Variants in AHCYL2 observed in about 807,000 individuals in gnomAD.
AHCYL2 encodes S-adenosylhomocysteine hydrolase-like protein 2.
AHCYL2 carries 28 observed loss-of-function variants against 81.4 expected under a neutral mutation model. That is an observed-to-expected ratio of 0.34 (90% CI 0.25 to 0.47). The LOEUF (loss-of-function observed/expected upper bound fraction) is 0.47, where lower values mean the gene tolerates loss of function less well. Among genes scored for constraint, AHCYL2 ranks in the 20% least tolerant of loss-of-function variants. The pLI, the probability that AHCYL2 is intolerant of heterozygous loss-of-function variation, is 1.00. For synonymous variants in AHCYL2, 272 were observed against 290.2 expected (o/e 0.94, Z 0.64); for missense variants, 551 against 785.1 (o/e 0.70, Z 3.56).
chr7:129,422,643 G>T (rs1019264782), intron 12 of AHCYL2, among the ~76,000 whole-genome samples, 197 bp from the exon 13 acceptor site: 2 of 152,160 alleles, frequency 1.3e-5, no homozygotes, highest in Non-Finnish European at 2.9e-5. Context: ...GACATCCTGA[G>T]TGATCCCTCC....
At chr7:129,363,785 G>A (rs1016471094) in intron 1 of AHCYL2, among the ~76,000 whole-genome samples, 1 of 152,182 alleles carries the variant, frequency 6.6e-6, no homozygotes, top group South Asian at 2.1e-4. Flanking sequence ...TGATCCACCC[G>A]CCTCGGCCTC....
At chr7:129,312,979 C>G (rs1175950248) in intron 1 of AHCYL2, among the ~76,000 whole-genome samples, 1 of 152,174 alleles carries the variant, frequency 6.6e-6, no homozygotes. Context: ...CTACTTTTTA[C>G]CCTGCAGTAC....
intron 1 of AHCYL2, among the ~76,000 whole-genome samples, chr7:129,256,370 T>G (rs1795419939): frequency 3.3e-5 from 5 of 152,194 alleles, no homozygotes. Flanking sequence ...GAATAGTTTC[T>G]TATGTCTTAT....
chr7:129,349,344 T>TA, intron 1 of AHCYL2, among the ~76,000 whole-genome samples: 1 of 151,836 alleles, frequency 6.6e-6, no homozygotes, highest in African/African-American at 2.4e-5. Context: ...ATATAAGAAC[T>TA]TATGTCAGGC....
chr7:129,361,454 C>T (rs543536460), intron 1 of AHCYL2, among the ~76,000 whole-genome samples: 6 of 152,142 alleles, frequency 3.9e-5, no homozygotes, highest in South Asian at 4.2e-4. Context: ...GTAAGCACCA[C>T]GAAGATAAAG....
intron 7 of AHCYL2, among the ~76,000 whole-genome samples, chr7:129,403,860 CAAAAAAA>C (rs34806455): frequency 0.012 from 976 of 80,022 alleles, 10 homozygotes; most frequent in African/African-American, 0.036. Context: ...GACTCCATCT[CAAAAAAA>C]AAAAAAAAAA....
chr7:129,297,164 G>C (rs1043543192), intron 1 of AHCYL2, among the ~76,000 whole-genome samples: 1 of 152,164 alleles, frequency 6.6e-6, no homozygotes, highest in Non-Finnish European at 1.5e-5. Context: ...ATTGTAGAGA[G>C]GTGGCTGCTC....
intron 12 of AHCYL2, among the ~76,000 whole-genome samples, chr7:129,421,617 A>AT (rs1346393882): frequency 6.6e-6 from 1 of 152,246 alleles, no homozygotes; most frequent in Non-Finnish European, 1.5e-5. Flanking sequence ...ATTTCAAGAA[A>AT]TTGTATGTGT....
intron 1 of AHCYL2, among the ~76,000 whole-genome samples, chr7:129,262,381 T>C (rs140521384): frequency 7.2e-5 from 11 of 152,316 alleles, no homozygotes; most frequent in Admixed American, 3.3e-4. Context: ...CTTACCCCTT[T>C]ATGGGTTGCA....
At chr7:129,264,862 A>T (rs1452324113) in intron 1 of AHCYL2, among the ~76,000 whole-genome samples, 1 of 152,252 alleles carries the variant, frequency 6.6e-6, no homozygotes, top group Non-Finnish European at 1.5e-5. Context: ...GCATTGGAAA[A>T]ACTATACATA....
At chr7:129,236,816 C>T (rs1010635936) in intron 1 of AHCYL2, among the ~76,000 whole-genome samples, 1 of 152,198 alleles carries the variant, frequency 6.6e-6, no homozygotes, top group East Asian at 1.9e-4. Flanking sequence ...CAGAATGAGG[C>T]TGAGAGTATT....
intron 1 of AHCYL2, among the ~76,000 whole-genome samples, chr7:129,353,228 G>C (rs1445337075): frequency 6.6e-6 from 1 of 152,152 alleles, no homozygotes; most frequent in African/African-American, 2.4e-5. Context: ...GATTACAGGG[G>C]TGAGCCACCA....
chr7:129,356,877 CTT>C (rs1793751097), intron 1 of AHCYL2, among the ~76,000 whole-genome samples: 1 of 152,146 alleles, frequency 6.6e-6, no homozygotes, highest in Non-Finnish European at 1.5e-5. Flanking sequence ...CTGTAAGACT[CTT>C]GGCAAGGTAT....
intron 1 of AHCYL2, among the ~76,000 whole-genome samples, chr7:129,300,102 A>G (rs1324742134): frequency 1.3e-5 from 2 of 152,326 alleles, no homozygotes; most frequent in East Asian, 3.9e-4. Flanking sequence ...ACATCAAGGT[A>G]AATGAGGGTA....
rs142124627 is a variant in AHCYL2, at chr7:129,382,109, T to C, written c.475+2360T>C. ...CCATGTTTGATTTGTTGTGTGACGC[T>C]GGAAAACTCTTGCACCTGGCATCTT... On this transcript the variant is annotated intron_variant, in intron 2 of 16. Transcript: ENST00000325006. Among the ~76,000 whole-genome samples the C allele has an allele frequency of 8.7e-3, 1,323 of 152,308 alleles. 24 individuals are homozygous for C. Among genetic ancestry groups the C allele is most frequent in the African/African-American group, 0.03 (1,266 of 41,552 alleles).
chr7:129,348,495 G>A (rs893107570), intron 1 of AHCYL2, among the ~76,000 whole-genome samples: 4 of 151,488 alleles, frequency 2.6e-5, no homozygotes, highest in Admixed American at 6.6e-5. Context: ...AGGTGCTGAA[G>A]GAAAAGGGTA....
intron 1 of AHCYL2, among the ~76,000 whole-genome samples, chr7:129,320,506 G>T (rs1335281632): frequency 6.6e-6 from 1 of 152,098 alleles, no homozygotes; most frequent in Non-Finnish European, 1.5e-5. Flanking sequence ...TAGTAGAGAT[G>T]CGGTTTCACC....
rs937210777 is a variant in AHCYL2, at chr7:129,283,241, C to G, written c.363+57802C>G. On this transcript the variant is annotated intron_variant, in intron 1 of 16. Coordinates refer to ENST00000325006, the MANE Select transcript of AHCYL2 (RefSeq NM_015328.4). ...GATAGCCCTGGGCTCTACTTGGGTT[C>G]CTCCTTCATTAAACTGCACCTTGGA... The G allele has an allele frequency of 9.3e-5, 37 of 395,802 alleles. 1 individual carries two copies. In the Admixed American group the frequency reaches 1.1e-3, roughly 12 times the overall value. The allele number at this position is 395,802 out of a possible 1,614,324, so 24.5% of individuals were successfully genotyped here.
At chr7:129,379,789 A>T (rs111904245) in intron 2 of AHCYL2, 40 bp downstream of exon 2, 11 of 1,523,986 alleles carry the variant, frequency 7.2e-6, no homozygotes, top group Middle Eastern at 1.7e-4. Context: ...GTTGAGGCTA[A>T]TAAGTACGAT....
Sources: allele counts gnomAD v4.1 joint callset (sites outside exome capture counted in the v4.1 genomes callset), GRCh38; gene constraint gnomAD v4.1.1; transcripts MANE v1.5; gene names NCBI Gene and HGNC (gene_info 2026-07-23, HGNC 2026-07-21).